The following MGRN1 variants were observed in gnomAD, a reference collection of about 807,000 sequenced individuals.
MGRN1 encodes E3 ubiquitin-protein ligase MGRN1.
Under a neutral mutation model 69.2 loss-of-function variants are expected in MGRN1, and 29 were observed. The ratio of observed to expected loss-of-function variants is 0.42; its 90% CI spans 0.31 to 0.57. The LOEUF (loss-of-function observed/expected upper bound fraction) is 0.57, where lower values mean the gene tolerates loss of function less well. Among genes scored for constraint, MGRN1 ranks in the 20% least tolerant of loss-of-function variants. MGRN1 has a pLI of 0.15. For missense variants in MGRN1, 998 were observed against 796.2 expected (o/e 1.25, Z -3.05); for synonymous variants, 470 against 344.2 (o/e 1.37, Z -4.04).
rs1222400750 is a variant in MGRN1 at position 4,657,339 on chromosome 16, C to T, written c.537C>T (p.Asp179=). Residue 179 remains aspartate, a synonymous_variant, in exon 5 of 17, where the codon GAC becomes GAT. Coordinates refer to ENST00000262370, the MANE Select transcript of MGRN1 (RefSeq NM_015246.4). ...QQFSLPSFKI[D]FSEWKDDELN... is the part of the protein sequence containing the mutation. ...TCTCCCTGCCCTCCTTCAAGATTGA[C>T]TTCTCGGAATGGAAGGATGACGAGG... 6.2e-7 allele frequency: 1 copy of T among 1,614,006 alleles called. No homozygotes were observed. Among genetic ancestry groups the T allele is most frequent in the African/African-American group, 1.3e-5 (1 of 74,948 alleles).
At chr16:4,632,682 C>T (rs1404847951) in intron 1 of MGRN1, among the ~76,000 whole-genome samples, 1 of 152,202 alleles carries the variant, frequency 6.6e-6, no homozygotes, top group Non-Finnish European at 1.5e-5. Flanking sequence ...GCATGAGCCA[C>T]CGTGCCGGGA....
In MGRN1 at chr16:4,657,301, G is replaced by C. The variant is rs778249713; in HGVS notation, c.499G>C (p.Val167Leu). Residue 167 changes from valine to leucine, a missense_variant, in exon 5 of 17, where the codon GTG becomes CTG. Coordinates refer to ENST00000262370, the MANE Select transcript of MGRN1 (RefSeq NM_015246.4). ...CGAGACCGTCCACTACAAGAGAGGG[G>C]TGAGCCAGCAGTTCTCCCTGCCCTC... is the stretch of plus-strand genomic sequence containing the variant. ...QSETVHYKRG[V>L]SQQFSLPSFK... is the part of the protein sequence containing the mutation. The C allele has an allele frequency of 6.2e-7, 1 of 1,614,192 alleles. No homozygotes were observed. Among genetic ancestry groups the C allele is most frequent in the Non-Finnish European group, 8.5e-7 (1 of 1,180,006 alleles).
intron 11 of MGRN1, among the ~76,000 whole-genome samples, chr16:4,678,044 C>A (rs2079091842): frequency 6.6e-6 from 1 of 152,108 alleles, no homozygotes; most frequent in Admixed American, 6.5e-5. Flanking sequence ...GGTGGGGTTT[C>A]CCATGTTGCC....
intron 16 of MGRN1, chr16:4,686,538 G>A: frequency 7.3e-7 from 1 of 1,363,890 alleles, no homozygotes; most frequent in Non-Finnish European, 9.4e-7. Flanking sequence ...TCTCCATCTG[G>A]ACTAGGCGGC....
chr16:4,634,494 T>G (rs531630997), intron 1 of MGRN1: 1 of 152,528 alleles, frequency 6.6e-6, no homozygotes, highest in Non-Finnish European at 1.5e-5. Context: ...GGTCATCTTG[T>G]CCAGTGGACG....
chr16:4,679,660 G>A (rs1426036613), intron 11 of MGRN1, among the ~76,000 whole-genome samples: 1 of 152,220 alleles, frequency 6.6e-6, no homozygotes, highest in Non-Finnish European at 1.5e-5. Context: ...ACTTTGACCA[G>A]TGTGGCTTCA....
chr16:4,681,129 A>T (rs2079173007), intron 12 of MGRN1, among the ~76,000 whole-genome samples: 1 of 152,184 alleles, frequency 6.6e-6, no homozygotes, highest in African/African-American at 2.4e-5. Flanking sequence ...AGCTCCCAAC[A>T]GCTCAGCTCT....
At position 4,666,600 on chromosome 16, in the gene MGRN1, A is replaced by G. The variant is rs999882813; in HGVS notation, c.678+1449A>G. ...GCCCTGGGGTGTGCAGAGATCAGCA[A>G]TGTTGTTACCTCCTCGGGCTGTAGC... On this transcript the variant is annotated intron_variant, in intron 7 of 16. Coordinates refer to ENST00000262370, the MANE Select transcript of MGRN1 (RefSeq NM_015246.4). Among the ~76,000 whole-genome samples, 17 of 152,134 alleles carry G rather than the reference A, an allele frequency of 1.1e-4. No individual in the cohort carries two copies. In the South Asian group the frequency reaches 2.5e-3, roughly 22 times the overall value.
chr16:4,663,436 T>A (rs2078731055), intron 5 of MGRN1, among the ~76,000 whole-genome samples: 2 of 143,664 alleles, frequency 1.4e-5, no homozygotes, highest in Non-Finnish European at 3.0e-5. Flanking sequence ...AGCTCACTCG[T>A]GTTAAGCGAA....
intron 1 of MGRN1, among the ~76,000 whole-genome samples, chr16:4,635,801 ATTT>A (rs34343082): frequency 8.0e-6 from 1 of 125,690 alleles, no homozygotes; most frequent in Admixed American, 8.0e-5. Flanking sequence ...CGCCCAGCTA[ATTT>A]TTTTTTTTTT....
intron 1 of MGRN1, among the ~76,000 whole-genome samples, chr16:4,637,401 G>C (rs2060817385): frequency 6.6e-6 from 1 of 152,054 alleles, no homozygotes; most frequent in Admixed American, 6.6e-5. Flanking sequence ...TTGCACTCCA[G>C]CCTGAGCGAC....
intron 5 of MGRN1, among the ~76,000 whole-genome samples, chr16:4,659,479 C>T (rs1055022111): frequency 6.6e-5 from 10 of 152,200 alleles, no homozygotes; most frequent in African/African-American, 2.2e-4. Flanking sequence ...TCATTGTGGC[C>T]AGCTTCCTGA....
rs1196673363 is a variant in MGRN1, at chr16:4,670,618, G to T, written c.727-773G>T. 5.3e-5 allele frequency among the ~76,000 whole-genome samples: 8 copies of T among 152,378 alleles called. No individual in the cohort carries two copies. The East Asian group carries it at 1.2e-3, about 22-fold the overall frequency. On this transcript the variant is annotated intron_variant, in intron 8 of 16. Transcript: ENST00000262370. ...GCCTATGATCCCAGCACTATGGGAG[G>T]TGGAGGCAGGAGGATTGCTTGAGCC...
intron 1 of MGRN1, among the ~76,000 whole-genome samples, chr16:4,625,962 C>T (rs1897659237): frequency 6.6e-6 from 1 of 152,192 alleles, no homozygotes. Flanking sequence ...TGTCTCCGGA[C>T]ACCCACAGGC....
intron 9 of MGRN1, among the ~76,000 whole-genome samples, 198 bp downstream of exon 9, chr16:4,671,657 G>C (rs2078939962): frequency 6.6e-6 from 1 of 152,150 alleles, no homozygotes; most frequent in Admixed American, 6.5e-5. Flanking sequence ...AAATTCACTA[G>C]CTTCTGATGT....
chr16:4,673,014 A>AT (rs2078973365), intron 9 of MGRN1, among the ~76,000 whole-genome samples: 2 of 151,898 alleles, frequency 1.3e-5, no homozygotes, highest in South Asian at 4.2e-4. Context: ...AATTTTTTGT[A>AT]TTTTTAGTAG....
intron 16 of MGRN1, chr16:4,686,533 A>C: frequency 7.3e-7 from 1 of 1,372,268 alleles, no homozygotes; most frequent in East Asian, 2.8e-5. Flanking sequence ...AGGTCTCTCC[A>C]TCTGGACTAG....
intron 11 of MGRN1, 96 bp from the exon 12 acceptor site, chr16:4,679,936 C>A: frequency 1.7e-6 from 2 of 1,168,582 alleles, no homozygotes; most frequent in Non-Finnish European, 2.5e-6. Context: ...TTCTGCGCCA[C>A]GGTGTGGCAA....
rs187359779 is a variant in MGRN1, at chr16:4,677,359, G to A, written c.956-104G>A. 24 of 802,112 alleles carry A rather than the reference G, an allele frequency of 3.0e-5. No homozygotes were observed. The East Asian group carries it at 6.9e-4, about 23-fold the overall frequency. 49.7% of individuals were successfully genotyped at this position (802,112 alleles called of 1,614,324 possible). On this transcript the variant is annotated intron_variant, in intron 10 of 16. Transcript: ENST00000262370. ...GTGATCTGGAAGCGGGGTCACCCCA[G>A]GACCCCTATGGTGTGGGGGGGGTGT...
Sources: gnomAD v4.1 joint callset for allele counts (sites outside exome capture counted in the v4.1 genomes callset) on GRCh38, gnomAD v4.1.1 for gene constraint, MANE v1.5 for transcripts, NCBI Gene and HGNC (gene_info 2026-07-23, HGNC 2026-07-21) for gene names.